Variants in BBS9 observed in about 807,000 individuals in gnomAD.
BBS9 encodes the protein protein PTHB1.
A neutral mutation model predicts 117.7 loss-of-function variants in BBS9; 89 were observed. That is an observed-to-expected ratio of 0.76 (90% CI 0.64 to 0.90). BBS9 has a LOEUF of 0.90. BBS9 is among the 40% of genes least tolerant of loss of function. The pLI, the probability that BBS9 is intolerant of heterozygous loss-of-function variation, is 0.00. For synonymous variants in BBS9, 379 were observed against 370.9 expected (o/e 1.02, Z -0.25); for missense variants, 982 against 1,042.2 (o/e 0.94, Z 0.80).
chr7:33,236,751 T>C (rs1793596321), intron 5 of BBS9, among the ~76,000 whole-genome samples: 1 of 152,080 alleles, frequency 6.6e-6, no homozygotes, highest in Non-Finnish European at 1.5e-5. Context: ...ATCCTTCACC[T>C]TATCAACTTA....
chr7:33,217,693 C>CT (rs1789344532), intron 5 of BBS9, among the ~76,000 whole-genome samples: 2 of 152,238 alleles, frequency 1.3e-5, no homozygotes, highest in African/African-American at 4.8e-5. Context: ...AAAAGAAACA[C>CT]TTGCTAGCCG....
chr7:33,526,083 C>T (rs534504674), intron 20 of BBS9, among the ~76,000 whole-genome samples: 23 of 151,604 alleles, frequency 1.5e-4, no homozygotes, highest in African/African-American at 5.6e-4. Flanking sequence ...GGCCTCCACT[C>T]TCTTCTGGCT....
chr7:33,222,201 A>G (rs1790379636), intron 5 of BBS9, among the ~76,000 whole-genome samples: 1 of 152,248 alleles, frequency 6.6e-6, no homozygotes, highest in Non-Finnish European at 1.5e-5. Flanking sequence ...GACTGTTGAT[A>G]GAAATGATAG....
In BBS9 at chr7:33,467,212, C is replaced by T. The variant is rs148521235; in HGVS notation, c.2116-38251C>T. 5.3e-4 allele frequency among the ~76,000 whole-genome samples: 81 copies of T among 152,178 alleles called. 1 individual carries two copies. In the East Asian group the frequency reaches 0.016, roughly 29 times the overall value. ...GACTTGATTCTGGGGGGAAACATTGCATGTAGTATCTCTAGGTTGTCTGCT... is the reference window on the plus strand; with the variant it reads ...GACTTGATTCTGGGGGGAAACATTGTATGTAGTATCTCTAGGTTGTCTGCT... On this transcript the variant is annotated intron_variant, in intron 19 of 22. Transcript: ENST00000242067.
At chr7:33,438,513 G>GA (rs1835648997) in intron 19 of BBS9, among the ~76,000 whole-genome samples, 2 of 152,310 alleles carry the variant, frequency 1.3e-5, no homozygotes, top group African/African-American at 4.8e-5. Flanking sequence ...TTCTGAAGGA[G>GA]AAAATGTAAG....
intron 19 of BBS9, among the ~76,000 whole-genome samples, chr7:33,428,129 A>G (rs959213434): frequency 6.6e-6 from 1 of 152,180 alleles, no homozygotes; most frequent in Non-Finnish European, 1.5e-5. Context: ...AAGGGGAACA[A>G]TATTAATAAT....
intron 19 of BBS9, among the ~76,000 whole-genome samples, chr7:33,409,248 T>C (rs189415188): frequency 3.9e-5 from 6 of 152,182 alleles, no homozygotes; most frequent in Non-Finnish European, 5.9e-5. Flanking sequence ...TATTGAGAAG[T>C]GTATTTCCTA....
At chr7:33,469,133 A>G (rs948226886) in intron 19 of BBS9, among the ~76,000 whole-genome samples, 7 of 149,964 alleles carry the variant, frequency 4.7e-5, no homozygotes, top group African/African-American at 1.7e-4. Flanking sequence ...TCATCACCCC[A>G]TTCAGTATAT....
intron 21 of BBS9, among the ~76,000 whole-genome samples, chr7:33,575,097 G>C (rs1318735530): frequency 1.3e-5 from 2 of 151,996 alleles, no homozygotes; most frequent in African/African-American, 4.8e-5. Flanking sequence ...AGGACTTGAG[G>C]CTGGTAAGTA....
At chr7:33,236,783 A>G (rs184780002) in intron 5 of BBS9, among the ~76,000 whole-genome samples, 5 of 152,208 alleles carry the variant, frequency 3.3e-5, no homozygotes, top group Non-Finnish European at 7.4e-5. Flanking sequence ...TGGTGAGAAC[A>G]TTAAAAATCT....
intron 9 of BBS9, among the ~76,000 whole-genome samples, chr7:33,276,499 A>G (rs1475831511): frequency 1.3e-5 from 2 of 152,212 alleles, no homozygotes; most frequent in Admixed American, 6.5e-5. Flanking sequence ...GGTTTAGGTT[A>G]TTAACCACAA....
At chr7:33,465,958 T>A (rs1840095264) in intron 19 of BBS9, among the ~76,000 whole-genome samples, 1 of 152,246 alleles carries the variant, frequency 6.6e-6, no homozygotes, top group South Asian at 2.1e-4. Flanking sequence ...TCAAGGAAGA[T>A]CATTTAACTA....
At chr7:33,357,723 G>A in intron 15 of BBS9, 132 bp from the exon 16 acceptor site, 1 of 896,790 alleles carries the variant, frequency 1.1e-6, no homozygotes, top group Non-Finnish European at 1.8e-6. Flanking sequence ...AGTTATTTCA[G>A]CTTTGTTAAG....
chr7:33,600,361 A>G (rs1452121653), intron 21 of BBS9, among the ~76,000 whole-genome samples: 1 of 151,342 alleles, frequency 6.6e-6, no homozygotes, highest in Non-Finnish European at 1.5e-5. Context: ...CCTTTTACAA[A>G]AGTATTGGTT....
intron 2 of BBS9, among the ~76,000 whole-genome samples, chr7:33,149,592 C>T (rs1401634846): frequency 2.6e-5 from 4 of 152,134 alleles, no homozygotes; most frequent in Non-Finnish European, 5.9e-5. Context: ...CTGAATAATA[C>T]AATTTAGATT....
intron 21 of BBS9, among the ~76,000 whole-genome samples, chr7:33,611,306 G>A (rs113203057): frequency 6.6e-5 from 10 of 151,508 alleles, no homozygotes; most frequent in African/African-American, 2.2e-4. Flanking sequence ...ATTCTTTTAT[G>A]TAAACAAAAA....
In BBS9 at chr7:33,365,250, G is replaced by A. The variant is rs747172281; in HGVS notation, c.1694-2517G>A. On this transcript the variant is annotated intron_variant, in intron 16 of 22. Transcript: ENST00000242067. ...TTCTTTGTTTTTCGTGTTTCTTGTT[G>A]CCATACTTTGATGCCGGCACATTTG... 6.5e-4 allele frequency among the ~76,000 whole-genome samples: 99 copies of A among 152,040 alleles called. 3 individuals carry two copies. Among genetic ancestry groups the A allele is most frequent in the Non-Finnish European group, 1.3e-4 (9 of 68,000 alleles).
intron 21 of BBS9, among the ~76,000 whole-genome samples, chr7:33,579,955 A>G (rs1289878757): frequency 6.6e-6 from 1 of 152,204 alleles, no homozygotes; most frequent in Non-Finnish European, 1.5e-5. Flanking sequence ...TTGGAACACC[A>G]TAAATGCAGC....
chr7:33,302,562 C>A (rs2128427328), intron 9 of BBS9, among the ~76,000 whole-genome samples: 1 of 152,172 alleles, frequency 6.6e-6, no homozygotes. Flanking sequence ...GTTCTTGACA[C>A]CTTTGTCAAA....
Sources: allele counts gnomAD v4.1 joint callset (sites outside exome capture counted in the v4.1 genomes callset), GRCh38; gene constraint gnomAD v4.1.1; transcripts MANE v1.5; gene names NCBI Gene and HGNC (gene_info 2026-07-23, HGNC 2026-07-21).